PLEC: variants seen among roughly 807,000 people sequenced by gnomAD.
The protein encoded by PLEC is hemidesmosomal protein 1.
PLEC carries 216 observed loss-of-function variants against 392.8 expected under a neutral mutation model. The observed-to-expected ratio is 0.55, with a 90% CI of 0.49 to 0.62. The LOEUF is 0.62. Among genes scored for constraint, PLEC ranks in the 20% least tolerant of loss-of-function variants. PLEC has a pLI of 0.00. For synonymous variants in PLEC, 3,621 were observed against 2,980.6 expected (o/e 1.21, Z -7.00); for missense variants, 6,863 against 6,563.4 (o/e 1.05, Z -1.58).
rs61529674 is a variant in PLEC, at chr8:143,920,398, G to A, written c.9423C>T (p.Gly3141=). Residue 3141 remains glycine, a synonymous_variant, in exon 32 of 32, where the codon GGC becomes GGT. Coordinates refer to ENST00000345136, the MANE Select transcript of PLEC (RefSeq NM_201384.3). ...LRLLDAQLST[G]GIVDPSKSHR... ...GGCTCTTGCTGGGGTCCACGATGCC[G>A]CCCGTGGACAGCTGGGCGTCCAACA... 5.2e-3 allele frequency: 8,263 copies of A among 1,591,202 alleles called. 260 individuals are homozygous for A. The East Asian group carries it at 0.1, about 20-fold the overall frequency.
chr8:143,939,326 G>A (rs1554726530), intron 1 of PLEC, 24 bp downstream of exon 1: 1 of 1,601,758 alleles, frequency 6.2e-7, no homozygotes, highest in South Asian at 1.1e-5. Context: ...GCCTGGCGGG[G>A]GTGCCCGAGG....
chr8:143,917,394 T>A lies in PLEC; in HGVS notation c.12427A>T (p.Ile4143Phe). The A allele has an allele frequency of 6.2e-7, 1 of 1,612,284 alleles. No individual in the cohort carries two copies. The highest frequency in any genetic ancestry group is 1.6e-4 in the Middle Eastern group (1 of 6,062). ...KSSVRKRRVV[I>F]VDPETGKEMS... is the part of the protein sequence containing the mutation. ...TCCTTGCCCGTCTCGGGGTCCACGA[T>A]GACCACTCGGCGCTTGCGCACGGAG... The change falls in exon 32 of 32, where the codon ATC becomes TTC. Residue 4143 changes from isoleucine to phenylalanine, a missense_variant. Ile to Phe is a conservative substitution (Grantham distance 21, BLOSUM62 0). Transcript: ENST00000345136.
chr8:143,974,958 G>A (rs1554745502), upstream of PLEC, among the ~76,000 whole-genome samples: 4 of 152,196 alleles, frequency 2.6e-5, no homozygotes, highest in East Asian at 3.9e-4. This position sits in a 1 kb window ranked among gnomAD's most constrained non-coding sequence, Gnocchi z 5.9. Context: ...TGGACGCCGC[G>A]GCAAGAAGCC....
Position 143,916,893 on chromosome 8 carries a change from G to A in PLEC, c.12928C>T (p.Arg4310Trp), listed in dbSNP as rs782269716. 5 of 1,612,578 alleles carry A rather than the reference G, an allele frequency of 3.1e-6. No homozygotes were observed. The highest frequency in any genetic ancestry group is 4.2e-6 in the Non-Finnish European group (5 of 1,179,762). ...GTGCAGGCCTGCGCCTCCAGCAGCC[G>A]CTGCCCCGTGATGTTATCCACCAGG... ...RNLVDNITGQ[R>W]LLEAQACTGG... The change falls in exon 32 of 32, where the codon CGG becomes TGG. Residue 4310 changes from arginine (R) to tryptophan (W), a missense_variant. Arg to Trp is a moderately radical substitution (Grantham distance 101). Coordinates refer to ENST00000345136, the MANE Select transcript of PLEC (RefSeq NM_201384.3).
upstream of PLEC, chr8:143,975,239 C>A (rs782602309): frequency 1.2e-5 from 20 of 1,606,992 alleles, no homozygotes; most frequent in Non-Finnish European, 1.7e-5. This position sits in a 1 kb window ranked among gnomAD's most constrained non-coding sequence, Gnocchi z 9.9. Context: ...CCCAGCGCCA[C>A]CCCCGCTGCG....
Position 143,938,213 on chromosome 8 carries a change from C to T in PLEC, c.202G>A (p.Glu68Lys). Residue 68 changes from glutamate to lysine, a missense_variant, in exon 3 of 32, where the codon GAA (glutamate) becomes AAA (lysine). By Grantham distance (56) the Glu-to-Lys change is moderately conservative. Coordinates refer to ENST00000345136, the MANE Select transcript of PLEC (RefSeq NM_201384.3). Reference sequence around the variant, plus strand: ...AGGTTGTGGCCATCGCGGAGGTCTTCATACAGGTCACTGATGTGCCTCTGG... The same window carrying T: ...AGGTTGTGGCCATCGCGGAGGTCTTTATACAGGTCACTGATGTGCCTCTGG... ...KAQRHISDLY[E>K]DLRDGHNLIS... The T allele has an allele frequency of 6.2e-7, 1 of 1,606,842 alleles. No individual in the cohort carries two copies. Among genetic ancestry groups the T allele is most frequent in the Non-Finnish European group, 8.5e-7 (1 of 1,177,984 alleles).
chr8:143,957,861 G>A (rs1832678297), upstream of PLEC, among the ~76,000 whole-genome samples: 1 of 150,760 alleles, frequency 6.6e-6, no homozygotes, highest in African/African-American at 2.4e-5. Context: ...GCTCTCTGGT[G>A]GTGGTGGAGC....
intron 1 of PLEC, among the ~76,000 whole-genome samples, chr8:143,963,809 A>ATTTTTT (rs1190132489): frequency 1.7e-5 from 2 of 119,930 alleles, no homozygotes; most frequent in Non-Finnish European, 3.4e-5. Context: ...CACCTGGCTA[A>ATTTTTT]TTTTTTTTTT....
At position 143,933,487 on chromosome 8, in the gene PLEC, C is replaced by A; in HGVS notation, c.1264-136G>T. 6.8e-6 allele frequency: 7 copies of A among 1,025,968 alleles called. No homozygotes were observed. In the South Asian group the frequency reaches 9.1e-5, roughly 13 times the overall value. 63.6% of individuals were successfully genotyped at this position (1,025,968 alleles called of 1,614,324 possible). A position where few individuals can be genotyped will look rare whatever the true frequency, so the allele number is the denominator to read the frequency against. Reference sequence around the variant, plus strand: ...GCCTCCATCCCTGTCCTTCCCCTTCCCTCCCTGCCCACCTCACACATCTTC... The same window carrying A: ...GCCTCCATCCCTGTCCTTCCCCTTCACTCCCTGCCCACCTCACACATCTTC... On this transcript the variant is annotated intron_variant, in intron 12 of 31. Coordinates refer to ENST00000345136, the MANE Select transcript of PLEC (RefSeq NM_201384.3).
chr8:143,938,636 T>G lies in PLEC; in HGVS notation c.169A>C (p.Ile57Leu), dbSNP rs369879989. The change falls in exon 2 of 32, where the codon ATC becomes CTC. Residue 57 changes from isoleucine to leucine, a missense_variant. Coordinates refer to ENST00000345136, the MANE Select transcript of PLEC (RefSeq NM_201384.3). ...TFTKWVNKHL[I>L]KAQRHISDLY... ...CACCAGCATGCGCCACCAACCTTGATGAGGTGCTTGTTGACCCACTTGGTG... is the reference window on the plus strand; with the variant it reads ...CACCAGCATGCGCCACCAACCTTGAGGAGGTGCTTGTTGACCCACTTGGTG... 3.1e-6 allele frequency: 5 copies of G among 1,613,676 alleles called. No individual in the cohort carries two copies. The East Asian group carries it at 6.7e-5, about 22-fold the overall frequency.
intron 1 of PLEC, chr8:143,950,044 G>C: frequency 8.7e-7 from 1 of 1,146,952 alleles, no homozygotes; most frequent in Non-Finnish European, 1.2e-6. Context: ...CTCGGCTAGG[G>C]GGGGCCACCT....
intron 19 of PLEC, among the ~76,000 whole-genome samples, chr8:143,931,159 G>C (rs963286422): frequency 3.3e-5 from 5 of 152,190 alleles, no homozygotes; most frequent in Non-Finnish European, 5.9e-5. Flanking sequence ...CCCTTCTACA[G>C]CACAAGGGCT....
chr8:143,964,147 T>C (rs1832983096), intron 1 of PLEC, among the ~76,000 whole-genome samples: 1 of 152,038 alleles, frequency 6.6e-6, no homozygotes, highest in Non-Finnish European at 1.5e-5. Context: ...CTACAATAGG[T>C]TGAGACTTTG....
In PLEC at chr8:143,918,180, G is replaced by A. The variant is rs577333649; in HGVS notation, c.11641C>T (p.Arg3881Cys). 8.3e-5 allele frequency: 132 copies of A among 1,593,912 alleles called. No homozygotes were observed. In the East Asian group the frequency reaches 1.8e-3, roughly 22 times the overall value. Reference sequence around the variant, plus strand: ...CGCAGGCCACGGAAGGTCAGCTTGCGGGCGTCCGACAGTGGCAGGAGCAGC... The same window carrying A: ...CGCAGGCCACGGAAGGTCAGCTTGCAGGCGTCCGACAGTGGCAGGAGCAGC... ...GQLLLPLSDA[R>C]KLTFRGLRKQ... The change falls in exon 32 of 32, where the codon CGC (arginine) becomes TGC (cysteine). Residue 3881 changes from arginine to cysteine, a missense_variant. Arg to Cys is a radical substitution (Grantham distance 180). Transcript: ENST00000345136.
upstream of PLEC, chr8:143,953,624 A>G (rs1832416833): frequency 1.6e-6 from 2 of 1,248,806 alleles, no homozygotes; most frequent in Non-Finnish European, 2.3e-6. Flanking sequence ...GTGTCACCCC[A>G]GGGATGGCAG....
rs998804808 is a variant in PLEC, at chr8:143,935,905, T to C, written c.545A>G (p.Asn182Ser). ...VEGYQGLRCD[N>S]FTSSWRDGRL... The stretch of plus-strand genomic sequence containing the variant: ...GCCGTCTCTCCAGCTGGAGGTGAAG[T>C]TGTCGCATCGCAGGCCCTGGTACCC... The change falls in exon 6 of 32, where the codon AAC becomes AGC. Residue 182 changes from asparagine (N) to serine (S), a missense_variant. By Grantham distance (46) the Asn-to-Ser change is conservative. Transcript: ENST00000345136. The C allele has an allele frequency of 1.2e-5, 19 of 1,612,934 alleles. No individual in the cohort carries two copies. The highest frequency in any genetic ancestry group is 1.6e-5 in the Non-Finnish European group (19 of 1,179,968).
At position 143,934,626 on chromosome 8, in the gene PLEC, C is replaced by T. The variant is rs1309307477; in HGVS notation, c.1041+9G>A. On this transcript the variant is annotated intron_variant, in intron 10 of 31. Transcript: ENST00000345136. ...GGACACCACCCACCCCTCCAGCGGT[C>T]CCACTCACCTCCAGGGATTGGTAGA... The T allele has an allele frequency of 6.2e-7, 1 of 1,612,256 alleles. No individual in the cohort carries two copies. Among genetic ancestry groups the T allele is most frequent in the Non-Finnish European group, 8.5e-7 (1 of 1,179,274 alleles).
intron 28 of PLEC, 85 bp downstream of exon 28, chr8:143,927,167 G>A (rs1489824526): frequency 6.4e-7 from 1 of 1,568,610 alleles, no homozygotes; most frequent in Non-Finnish European, 8.8e-7. Context: ...GGCTTTCCCT[G>A]GCATGGCCCA....
chr8:143,931,636 G>C lies in PLEC; in HGVS notation c.2202C>G (p.Ala734=), dbSNP rs781814729. 6.2e-7 allele frequency: 1 copy of C among 1,600,588 alleles called. No homozygotes were observed. The highest frequency in any genetic ancestry group is 1.1e-5 in the South Asian group (1 of 88,748). The stretch of plus-strand genomic sequence containing the variant: ...CCTGCAGCTTCTGCAACTGCCCCTC[G>C]GCCTCCCGCACATCTGAGAAGAACT... The part of the protein sequence containing the change: ...YFQFFSDVRE[A]EGQLQKLQEA... Residue 734 remains alanine, a synonymous_variant, in exon 19 of 32, where the codon GCC becomes GCG. Transcript: ENST00000345136.
Sources: allele counts gnomAD v4.1 joint callset (sites outside exome capture counted in the v4.1 genomes callset), GRCh38; gene constraint gnomAD v4.1.1; non-coding constraint Gnocchi (gnomAD v3.1); transcripts MANE v1.5; gene names NCBI Gene and HGNC (gene_info 2026-07-23, HGNC 2026-07-21).